GALNT17: variants seen among roughly 807,000 people sequenced by gnomAD.
GALNT17 encodes UDP-GalNAc:polypeptide N-acetylgalactosaminyltransferase-like 3.
In GALNT17, 29 loss-of-function variants were observed where a neutral mutation model predicts 63.7. The ratio of observed to expected loss-of-function variants is 0.46; its 90% CI spans 0.34 to 0.62. GALNT17 has a LOEUF of 0.62. Ranked by LOEUF, GALNT17 falls within the 20% of genes least tolerant of loss-of-function variation. The pLI is 0.01. For missense variants in GALNT17, 603 were observed against 799.6 expected (o/e 0.75, Z 2.97); for synonymous variants, 305 against 318.3 (o/e 0.96, Z 0.45).
chr7:71,183,977 C>T (rs1005399578), intron 1 of GALNT17, among the ~76,000 whole-genome samples: 1 of 152,124 alleles, frequency 6.6e-6, no homozygotes, highest in African/African-American at 2.4e-5. Context: ...CGAATTGTCT[C>T]CCCACAAATT....
chr7:71,633,303 T>C (rs2116993174), intron 6 of GALNT17, among the ~76,000 whole-genome samples: 1 of 151,948 alleles, frequency 6.6e-6, no homozygotes, highest in Non-Finnish European at 1.5e-5. Flanking sequence ...TCTAGTGCAA[T>C]GTGGGGAGTT....
At chr7:71,407,704 G>A (rs1490401751) in intron 3 of GALNT17, among the ~76,000 whole-genome samples, 1 of 152,138 alleles carries the variant, frequency 6.6e-6, no homozygotes, top group Non-Finnish European at 1.5e-5. Flanking sequence ...GCTATGATCC[G>A]GCCACTGCTT....
intron 1 of GALNT17, among the ~76,000 whole-genome samples, chr7:71,298,643 G>A (rs1036822735): frequency 6.6e-6 from 1 of 151,952 alleles, no homozygotes; most frequent in Non-Finnish European, 1.5e-5. Context: ...AAGGGTAAAG[G>A]TGTGTTCAGG....
At chr7:71,676,012 G>A (rs1791145120) in intron 8 of GALNT17, among the ~76,000 whole-genome samples, 1 of 151,896 alleles carries the variant, frequency 6.6e-6, no homozygotes, top group Non-Finnish European at 1.5e-5. Context: ...AAAAGAAAAA[G>A]AACAAAATGC....
chr7:71,565,667 G>A (rs957147132), intron 5 of GALNT17, among the ~76,000 whole-genome samples: 4 of 152,012 alleles, frequency 2.6e-5, no homozygotes, highest in Non-Finnish European at 5.9e-5. Context: ...CATGAGAAAT[G>A]ACAGGCATAA....
chr7:71,585,497 A>G (rs10807732), intron 6 of GALNT17, among the ~76,000 whole-genome samples: 39,005 of 152,156 alleles, frequency 0.26, 5,104 homozygotes, highest in Admixed American at 0.27. Flanking sequence ...AATTCAAACC[A>G]GGAAAGCAGG....
chr7:71,674,818 A>T (rs1433329173), intron 8 of GALNT17, among the ~76,000 whole-genome samples: 1 of 152,172 alleles, frequency 6.6e-6, no homozygotes, highest in Non-Finnish European at 1.5e-5. Context: ...CACCCAGCCC[A>T]CATATGCTTT....
chr7:71,568,355 G>A (rs1391059776), intron 5 of GALNT17, among the ~76,000 whole-genome samples: 1 of 152,174 alleles, frequency 6.6e-6, no homozygotes, highest in Non-Finnish European at 1.5e-5. Context: ...GATGTGCGTG[G>A]AAAGTGCTTT....
chr7:71,212,260 G>A (rs927173823), intron 1 of GALNT17, among the ~76,000 whole-genome samples: 5 of 152,228 alleles, frequency 3.3e-5, no homozygotes, highest in Admixed American at 6.5e-5. Flanking sequence ...TTTGGAAGGT[G>A]GAAGCCCCAA....
intron 5 of GALNT17, among the ~76,000 whole-genome samples, chr7:71,511,245 C>T (rs985072092): frequency 4.0e-5 from 6 of 151,838 alleles, no homozygotes; most frequent in Admixed American, 1.3e-4. Context: ...GCAGTGGGTT[C>T]GAATGCACAG....
At chr7:71,285,247 C>G (rs552200728) in intron 1 of GALNT17, among the ~76,000 whole-genome samples, 1 of 152,196 alleles carries the variant, frequency 6.6e-6, no homozygotes, top group Non-Finnish European at 1.5e-5. Flanking sequence ...ATTATGACAG[C>G]AATTCGGAAT....
chr7:71,617,708 T>A (rs1584093061), intron 6 of GALNT17, among the ~76,000 whole-genome samples: 1 of 151,880 alleles, frequency 6.6e-6, no homozygotes, highest in East Asian at 1.9e-4. Flanking sequence ...TGTGGCGCGA[T>A]CTCGGCTCAC....
At chr7:71,320,865 T>C (rs1791593172) in intron 1 of GALNT17, among the ~76,000 whole-genome samples, 2 of 152,298 alleles carry the variant, frequency 1.3e-5, no homozygotes, top group Non-Finnish European at 2.9e-5. Flanking sequence ...ATGACCAGAA[T>C]TGTTGTCACT....
At chr7:71,296,241 C>T (rs1410883621) in intron 1 of GALNT17, among the ~76,000 whole-genome samples, 1 of 152,138 alleles carries the variant, frequency 6.6e-6, no homozygotes, top group African/African-American at 2.4e-5. Context: ...GAAGTAGTTT[C>T]TTTTGATTCC....
chr7:71,527,810 A>G (rs1257624226), intron 5 of GALNT17, among the ~76,000 whole-genome samples: 1 of 152,100 alleles, frequency 6.6e-6, no homozygotes, highest in Non-Finnish European at 1.5e-5. Flanking sequence ...ACGCATATAC[A>G]CACCATACAC....
At chr7:71,262,044 A>T (rs546988895) in intron 1 of GALNT17, among the ~76,000 whole-genome samples, 16 of 152,106 alleles carry the variant, frequency 1.1e-4, no homozygotes, top group Non-Finnish European at 1.8e-4. Flanking sequence ...CTGACGCGTG[A>T]TGATGGTGAT....
chr7:71,445,266 C>T (rs538436846), intron 5 of GALNT17, among the ~76,000 whole-genome samples: 215 of 151,318 alleles, frequency 1.4e-3, no homozygotes, highest in African/African-American at 4.9e-3. Context: ...GCAACCTCCA[C>T]CTCCCAGGTT....
chr7:71,629,400 C>CA (rs1790424296), intron 6 of GALNT17, among the ~76,000 whole-genome samples: 1 of 152,200 alleles, frequency 6.6e-6, no homozygotes, highest in South Asian at 2.1e-4. Flanking sequence ...GAAGACATTA[C>CA]AAACTCAGAA....
intron 5 of GALNT17, among the ~76,000 whole-genome samples, chr7:71,443,214 A>G (rs1787099963): frequency 6.6e-6 from 1 of 152,166 alleles, no homozygotes. Context: ...GGTCTCTGCA[A>G]CTTCTCAGTT....
Sources: gnomAD v4.1 joint callset for allele counts (sites outside exome capture counted in the v4.1 genomes callset) on GRCh38, gnomAD v4.1.1 for gene constraint, MANE v1.5 for transcripts, NCBI Gene and HGNC (gene_info 2026-07-23, HGNC 2026-07-21) for gene names.